PLCB4: variants seen among roughly 807,000 people sequenced by gnomAD.
The protein encoded by PLCB4 is phospholipase C beta 4, also known as 1-phosphatidylinositol 4,5-bisphosphate phosphodiesterase beta-4.
PLCB4 carries 77 observed loss-of-function variants against 178.8 expected under a neutral mutation model. The ratio of observed to expected loss-of-function variants is 0.43; its 90% CI spans 0.36 to 0.52. The LOEUF is 0.52. Among genes scored for constraint, PLCB4 ranks in the 20% least tolerant of loss-of-function variants. PLCB4 has a pLI of 0.00. For missense variants in PLCB4, 1,024 were observed against 1,453.4 expected, an observed-to-expected ratio of 0.70 and a Z score of 4.80; for synonymous variants, 496 against 490.8, an observed-to-expected ratio of 1.01 and a Z score of -0.14.
intron 33 of PLCB4, among the ~76,000 whole-genome samples, chr20:9,454,411 G>T (rs2042941712): frequency 6.6e-6 from 1 of 152,106 alleles, no homozygotes; most frequent in Admixed American, 6.6e-5. Flanking sequence ...ATTTATCTGA[G>T]AAATTATTTT....
At chr20:9,154,159 T>C (rs1486594585) in intron 2 of PLCB4, among the ~76,000 whole-genome samples, 2 of 152,106 alleles carry the variant, frequency 1.3e-5, no homozygotes, top group Admixed American at 6.6e-5. Flanking sequence ...GAGGAGGGAT[T>C]AGAGAGAAGA....
chr20:9,185,403 G>A (rs1313009784), intron 2 of PLCB4, among the ~76,000 whole-genome samples: 3 of 152,002 alleles, frequency 2.0e-5, no homozygotes, highest in Non-Finnish European at 2.9e-5. Context: ...ACACTCACAC[G>A]TGGTATGGTA....
intron 2 of PLCB4, among the ~76,000 whole-genome samples, chr20:9,116,304 T>G (rs115150600): frequency 0.027 from 4,127 of 152,248 alleles, 182 homozygotes; most frequent in African/African-American, 0.093. Flanking sequence ...GTTTATGTTT[T>G]TATACTCTTG....
chr20:9,155,775 T>G (rs1249272416), intron 2 of PLCB4, among the ~76,000 whole-genome samples: 1 of 152,128 alleles, frequency 6.6e-6, no homozygotes, highest in Admixed American at 6.6e-5. Context: ...GATGCCCCAT[T>G]TCCTTTGTGC....
At chr20:9,409,232 G>A in intron 24 of PLCB4, 51 bp downstream of exon 24, 1 of 1,506,568 alleles carries the variant, frequency 6.6e-7, no homozygotes, top group South Asian at 1.3e-5. Context: ...ACTTTGACAG[G>A]ATGGTGCCAG....
At chr20:9,334,334 C>G (rs2032135161) in intron 4 of PLCB4, among the ~76,000 whole-genome samples, 6 of 152,020 alleles carry the variant, frequency 3.9e-5, no homozygotes, top group Admixed American at 3.9e-4. Context: ...AAATGGAAGC[C>G]AGATAGAGTT....
At chr20:9,140,669 C>T (rs1290736102) in intron 2 of PLCB4, among the ~76,000 whole-genome samples, 1 of 151,774 alleles carries the variant, frequency 6.6e-6, no homozygotes, top group East Asian at 2.0e-4. Flanking sequence ...TTTAAAAGAG[C>T]CTGGCATCTC....
chr20:9,291,516 T>TA (rs2147766927), intron 3 of PLCB4, among the ~76,000 whole-genome samples: 1 of 152,218 alleles, frequency 6.6e-6, no homozygotes, highest in Non-Finnish European at 1.5e-5. Context: ...TTTTTGTGCA[T>TA]AAAAAAGACA....
rs1042635084 is a variant in PLCB4 at position 9,081,462 on chromosome 20, A to G, written c.-135+12256A>G. ...ACTGTGGACACTGTGGCTTTGCACT[A>G]TGACTTTGCACTCAATCCCCTTCTT... On this transcript the variant is annotated intron_variant, in intron 1 of 39. Transcript: ENST00000378473. 3.7e-4 allele frequency among the ~76,000 whole-genome samples: 56 copies of G among 152,210 alleles called. 1 individual carries two copies. Among genetic ancestry groups the G allele is most frequent in the African/African-American group, 1.3e-3 (54 of 41,460 alleles).
At chr20:9,273,675 A>AGTGTGTGTGTGTGT (rs398035325) in intron 3 of PLCB4, among the ~76,000 whole-genome samples, 106 of 135,940 alleles carry the variant, frequency 7.8e-4, no homozygotes, top group Admixed American at 2.3e-3. Flanking sequence ...TTATGGTTGC[A>AGTGTGTGTGTGTGT]GTGTGTGTGT....
chr20:9,315,079 C>T (rs757143161), intron 4 of PLCB4, among the ~76,000 whole-genome samples: 1 of 152,056 alleles, frequency 6.6e-6, no homozygotes, highest in Non-Finnish European at 1.5e-5. Context: ...ACCCCGTCTA[C>T]ATAAACAGAA....
At chr20:9,131,873 C>G (rs150074478) in intron 2 of PLCB4, among the ~76,000 whole-genome samples, 1 of 152,236 alleles carries the variant, frequency 6.6e-6, no homozygotes, top group East Asian at 1.9e-4. Flanking sequence ...AATGCTGCTT[C>G]TTGGAAGCCA....
At chr20:9,090,727 G>A (rs2090643965) in intron 1 of PLCB4, among the ~76,000 whole-genome samples, 1 of 152,066 alleles carries the variant, frequency 6.6e-6, no homozygotes, top group South Asian at 2.1e-4. Flanking sequence ...ATTACCAAAT[G>A]TTTCGGGGGT....
rs772111127 is a variant in PLCB4, at chr20:9,437,122, G to T, written c.2734G>T (p.Ala912Ser). Residue 912 changes from alanine to serine, a missense_variant, in exon 30 of 40, where the codon GCC becomes TCC. Coordinates refer to ENST00000378473, the MANE Select transcript of PLCB4 (RefSeq NM_001377142.1). The stretch of plus-strand genomic sequence containing the variant: ...TGAGCTCAGACCAACCACCACGGCT[G>T]CCCTGGCCTCTGGTGTGGAAGCCAA... ...SSELRPTTTA[A>S]LASGVEAKKG... The T allele has an allele frequency of 1.2e-5, 19 of 1,614,066 alleles. No homozygotes were observed. In the Admixed American group the frequency reaches 3.0e-4, roughly 25 times the overall value.
intron 25 of PLCB4, among the ~76,000 whole-genome samples, chr20:9,418,779 A>G (rs1183881806): frequency 4.6e-5 from 7 of 152,162 alleles, no homozygotes; most frequent in Admixed American, 4.6e-4. Context: ...GCTTAACAAT[A>G]TGGTCTTCCA....
At chr20:9,069,264 G>A (rs2089441014) in intron 1 of PLCB4, 58 bp downstream of exon 1, 2 of 152,496 alleles carry the variant, frequency 1.3e-5, no homozygotes. Flanking sequence ...TTGGCCCTCA[G>A]GGCTTGTTTG....
At chr20:9,343,158 A>G (rs1195123852) in intron 7 of PLCB4, among the ~76,000 whole-genome samples, 5 of 152,062 alleles carry the variant, frequency 3.3e-5, no homozygotes, top group Non-Finnish European at 7.4e-5. Flanking sequence ...AGTTTCTAGT[A>G]CAGAACTTGC....
intron 2 of PLCB4, among the ~76,000 whole-genome samples, chr20:9,135,754 CT>C (rs965378459): frequency 6.6e-6 from 1 of 152,050 alleles, no homozygotes; most frequent in African/African-American, 2.4e-5. Flanking sequence ...TCTAAAATTT[CT>C]TTTTTCTATT....
At chr20:9,293,951 A>G (rs775332725) in intron 3 of PLCB4, among the ~76,000 whole-genome samples, 1 of 152,172 alleles carries the variant, frequency 6.6e-6, no homozygotes, top group Admixed American at 6.5e-5. Flanking sequence ...GGGGCAAGGA[A>G]TCAATTCTGA....
Sources: gnomAD v4.1 joint callset for allele counts (sites outside exome capture counted in the v4.1 genomes callset) on GRCh38, gnomAD v4.1.1 for gene constraint, MANE v1.5 for transcripts, NCBI Gene and HGNC (gene_info 2026-07-23, HGNC 2026-07-21) for gene names.